SLC7A1: variants seen among roughly 807,000 people sequenced by gnomAD.
SLC7A1 encodes the protein high affinity cationic amino acid transporter 1.
SLC7A1 carries 10 observed loss-of-function variants against 53.9 expected under a neutral mutation model. The ratio of observed to expected loss-of-function variants is 0.19; its 90% CI spans 0.11 to 0.31. SLC7A1 has a LOEUF of 0.31. Among genes scored for constraint, SLC7A1 ranks in the 10% least tolerant of loss-of-function variants. The pLI, the probability that SLC7A1 is intolerant of heterozygous loss-of-function variation, is 1.00. For missense variants in SLC7A1, 525 were observed against 827.2 expected (o/e 0.63, Z 4.48); for synonymous variants, 342 against 338.7 (o/e 1.01, Z -0.11).
intron 1 of SLC7A1, among the ~76,000 whole-genome samples, chr13:29,565,533 A>C (rs951694170): frequency 2.0e-5 from 3 of 152,204 alleles, no homozygotes; most frequent in Non-Finnish European, 2.9e-5. Context: ...TTATAGGTCT[A>C]TGACGGTCTT....
intron 1 of SLC7A1, among the ~76,000 whole-genome samples, chr13:29,593,490 T>C (rs1051958004): frequency 1.2e-4 from 18 of 152,226 alleles, no homozygotes; most frequent in African/African-American, 4.3e-4. Flanking sequence ...TTTTTCTCCA[T>C]AACAAGGATG....
intron 8 of SLC7A1, among the ~76,000 whole-genome samples, chr13:29,520,357 G>A (rs1460930864): frequency 6.6e-6 from 1 of 152,090 alleles, no homozygotes; most frequent in African/African-American, 2.4e-5. Flanking sequence ...GGGCAAGTCT[G>A]GTGCTCTGGG....
chr13:29,560,671 G>A (rs12428751), intron 1 of SLC7A1, among the ~76,000 whole-genome samples: 4,815 of 152,134 alleles, frequency 0.032, 204 homozygotes, highest in African/African-American at 0.088. Flanking sequence ...CATGAGTAAC[G>A]TGTAGCAGGA....
At chr13:29,564,532 G>A (rs1359053457) in intron 1 of SLC7A1, among the ~76,000 whole-genome samples, 1 of 152,182 alleles carries the variant, frequency 6.6e-6, no homozygotes, top group African/African-American at 2.4e-5. Flanking sequence ...CAATACTACT[G>A]AAACTCTATG....
intron 2 of SLC7A1, among the ~76,000 whole-genome samples, chr13:29,541,667 G>C (rs957252169): frequency 6.6e-6 from 1 of 152,198 alleles, no homozygotes; most frequent in Non-Finnish European, 1.5e-5. Flanking sequence ...AAAATCATGA[G>C]TAACATGCTC....
At chr13:29,554,634 T>C (rs1427122618) in intron 1 of SLC7A1, among the ~76,000 whole-genome samples, 1 of 152,220 alleles carries the variant, frequency 6.6e-6, no homozygotes, top group African/African-American at 2.4e-5. Flanking sequence ...ACCCAGGAGC[T>C]GAAGAGGTTT....
intron 5 of SLC7A1, among the ~76,000 whole-genome samples, chr13:29,527,426 C>G (rs573934039): frequency 6.6e-6 from 1 of 152,144 alleles, no homozygotes; most frequent in African/African-American, 2.4e-5. Flanking sequence ...AAAATAACCA[C>G]AGAATCCATT....
At chr13:29,517,942 C>T (rs1175277718) in intron 9 of SLC7A1, 152 bp from the exon 10 acceptor site, 18 of 644,666 alleles carry the variant, frequency 2.8e-5, no homozygotes, top group East Asian at 1.4e-4. Flanking sequence ...TGTAGATAGA[C>T]GAGGAGAGAC....
chr13:29,569,281 G>A (rs1490603454), intron 1 of SLC7A1, among the ~76,000 whole-genome samples: 1 of 152,162 alleles, frequency 6.6e-6, no homozygotes, highest in Non-Finnish European at 1.5e-5. Flanking sequence ...CACCAAGCCA[G>A]GTGCAGCCTC....
intron 8 of SLC7A1, among the ~76,000 whole-genome samples, chr13:29,521,631 G>A (rs1398239163): frequency 6.6e-6 from 1 of 152,212 alleles, no homozygotes; most frequent in Non-Finnish European, 1.5e-5. Context: ...GCGAAAGGAG[G>A]AGACATAGAC....
chr13:29,511,854 C>T lies in SLC7A1; in HGVS notation c.*2626G>A, dbSNP rs775555530. The T allele has an allele frequency of 3.9e-5, 6 of 152,100 alleles. No individual in the cohort carries two copies. Among genetic ancestry groups the T allele is most frequent in the East Asian group, 1.9e-4 (1 of 5,202 alleles). 9.4% of individuals were successfully genotyped at this position (152,100 alleles called of 1,614,324 possible). On this transcript the variant is annotated 3_prime_UTR_variant, in exon 13 of 13. Transcript: ENST00000380752. ...CACAGATAAAAGTAGACACAATACT[C>T]CTTGGTGGGTGTGCCTCTAGTAATG...
intron 1 of SLC7A1, among the ~76,000 whole-genome samples, chr13:29,569,382 T>TA (rs1871100699): frequency 6.6e-6 from 1 of 152,158 alleles, no homozygotes; most frequent in African/African-American, 2.4e-5. Flanking sequence ...CCTGCCTTTG[T>TA]AAAAAGTCAC....
chr13:29,575,056 C>T (rs892735868), intron 1 of SLC7A1, among the ~76,000 whole-genome samples: 7 of 152,154 alleles, frequency 4.6e-5, no homozygotes, highest in African/African-American at 1.7e-4. Context: ...ACAAAAACAC[C>T]TGTTCTACCT....
chr13:29,534,123 C>A (rs1430553819), intron 3 of SLC7A1, among the ~76,000 whole-genome samples: 1 of 152,190 alleles, frequency 6.6e-6, no homozygotes, highest in Non-Finnish European at 1.5e-5. Context: ...CCCTGTCCTG[C>A]TCAGTGACAG....
intron 2 of SLC7A1, among the ~76,000 whole-genome samples, chr13:29,539,537 G>A (rs868107166): frequency 5.3e-5 from 8 of 152,162 alleles, no homozygotes; most frequent in Admixed American, 2.0e-4. Flanking sequence ...TACAGATAAC[G>A]GTTTTCTAAC....
intron 2 of SLC7A1, among the ~76,000 whole-genome samples, chr13:29,536,803 G>A (rs2139106468): frequency 6.6e-6 from 1 of 152,362 alleles, no homozygotes; most frequent in Non-Finnish European, 1.5e-5. Context: ...TTACAAGTGA[G>A]GGCTTTTCGT....
chr13:29,530,671 T>C lies in SLC7A1; in HGVS notation c.571A>G (p.Lys191Glu). 6.2e-7 allele frequency: 1 copy of C among 1,614,188 alleles called. No homozygotes were observed. Residue 191 changes from lysine (K) to glutamate (E), a missense_variant, in exon 5 of 13, where the codon AAA becomes GAA. Lys to Glu is a moderately conservative substitution (Grantham distance 56). Transcript: ENST00000380752. The stretch of plus-strand genomic sequence containing the variant: ...AGGACGTTAATACAAGTGAATATTT[T>C]GTTGACCATGGCCGACTCTTTCACA... ...LGVKESAMVNKIFTCINVLVL... is the reference protein window; with the variant it reads ...LGVKESAMVNEIFTCINVLVL...
intron 1 of SLC7A1, among the ~76,000 whole-genome samples, chr13:29,582,111 GA>G (rs1195431429): frequency 2.0e-5 from 3 of 152,210 alleles, no homozygotes; most frequent in African/African-American, 7.2e-5. Flanking sequence ...TTCAAATGAG[GA>G]AACTGAGGCA....
intron 3 of SLC7A1, among the ~76,000 whole-genome samples, chr13:29,534,129 G>A (rs1421304351): frequency 6.6e-6 from 1 of 152,144 alleles, no homozygotes; most frequent in African/African-American, 2.4e-5. Flanking sequence ...CCTGCTCAGT[G>A]ACAGGGGCTA....
Sources: gnomAD v4.1 joint callset for allele counts (sites outside exome capture counted in the v4.1 genomes callset) on GRCh38, gnomAD v4.1.1 for gene constraint, MANE v1.5 for transcripts, NCBI Gene and HGNC (gene_info 2026-07-23, HGNC 2026-07-21) for gene names.